CFAP210: variants seen among roughly 807,000 people sequenced by gnomAD.
CFAP210 encodes the protein cilia and flagella associated protein 210, also known as cilia- and flagella- associated protein 210.
At chr2:169,645,916 C>A in the CFAP210 span, 2 of 1,613,924 alleles carry the variant, frequency 1.2e-6, no homozygotes, top group Admixed American at 1.7e-5. Context: ...AAAAAGGGAG[C>A]TGGACTCCAG....
chr2:169,679,680 C>CAAA, the CFAP210 span, among the ~76,000 whole-genome samples: 7,979 of 57,010 alleles, frequency 0.14, 871 homozygotes, highest in Middle Eastern at 0.16. Flanking sequence ...GACTCCATCT[C>CAAA]AAAAAAAAAA....
the CFAP210 span, chr2:169,645,711 T>G: frequency 1.5e-6 from 1 of 668,174 alleles, no homozygotes. Context: ...AAAGAAATAC[T>G]GAGAACAATC....
chr2:169,662,501 G>T, the CFAP210 span: 5 of 1,363,104 alleles, frequency 3.7e-6, no homozygotes, highest in Non-Finnish European at 4.9e-6. Context: ...TTTAAGAAAT[G>T]AATTCAATTC....
chr2:169,687,108 C>A, the CFAP210 span, among the ~76,000 whole-genome samples: 2 of 152,236 alleles, frequency 1.3e-5, no homozygotes, highest in South Asian at 4.1e-4. Flanking sequence ...TAAAGACCAG[C>A]CCCCATGATT....
chr2:169,653,813 A>G, the CFAP210 span, among the ~76,000 whole-genome samples: 1 of 152,224 alleles, frequency 6.6e-6, no homozygotes, highest in East Asian at 1.9e-4. Flanking sequence ...GCTCATCTGT[A>G]TCGACAACTC....
At chr2:169,660,843 T>A in the CFAP210 span, 17 of 280,478 alleles carry the variant, frequency 6.1e-5, no homozygotes, top group East Asian at 1.7e-3. Context: ...CTCAAAGAGA[T>A]CTGCCTGCCT....
At chr2:169,675,822 G>T in the CFAP210 span, among the ~76,000 whole-genome samples, 2 of 151,750 alleles carry the variant, frequency 1.3e-5, no homozygotes, top group Non-Finnish European at 2.9e-5. Context: ...CACTCCTTTT[G>T]CTCCTTTAAA....
chr2:169,668,398 A>G, the CFAP210 span, among the ~76,000 whole-genome samples: 1 of 152,144 alleles, frequency 6.6e-6, no homozygotes, highest in African/African-American at 2.4e-5. Flanking sequence ...CTCTCTTATC[A>G]TTTGTTTGTT....
chr2:169,688,651 C>T, the CFAP210 span, among the ~76,000 whole-genome samples: 1 of 152,202 alleles, frequency 6.6e-6, no homozygotes, highest in Non-Finnish European at 1.5e-5. Context: ...ATCACCTTTA[C>T]TCCAGTTTCC....
the CFAP210 span, chr2:169,674,771 T>G: frequency 1.3e-6 from 2 of 1,550,634 alleles, no homozygotes; most frequent in East Asian, 2.3e-5. Context: ...AAGTCCCGAC[T>G]ACAAAAGAAA....
chr2:169,656,463 G>A, the CFAP210 span, among the ~76,000 whole-genome samples: 3 of 147,652 alleles, frequency 2.0e-5, no homozygotes, highest in Non-Finnish European at 4.4e-5. Context: ...AAGTAGAGAA[G>A]GAGGAGGAGG....
chr2:169,657,828 G>A, the CFAP210 span, among the ~76,000 whole-genome samples: 1 of 152,142 alleles, frequency 6.6e-6, no homozygotes, highest in Non-Finnish European at 1.5e-5. Flanking sequence ...CTGGATGCCA[G>A]AGGAATATGA....
the CFAP210 span, among the ~76,000 whole-genome samples, chr2:169,674,003 A>G: frequency 6.6e-6 from 1 of 152,096 alleles, no homozygotes; most frequent in Non-Finnish European, 1.5e-5. Context: ...GTCTCAATTT[A>G]ATGGAAGTCT....
the CFAP210 span, among the ~76,000 whole-genome samples, chr2:169,672,166 T>A: frequency 6.6e-6 from 1 of 152,246 alleles, no homozygotes; most frequent in African/African-American, 2.4e-5. Flanking sequence ...GGCGATAAGT[T>A]TGTAAACTCA....
At chr2:169,645,873 T>G in the CFAP210 span, 1 of 1,612,614 alleles carries the variant, frequency 6.2e-7, no homozygotes, top group African/African-American at 1.3e-5. Context: ...CTCTTTGACT[T>G]TTGAAAATTA....
chr2:169,660,588 TTATA>T, the CFAP210 span, among the ~76,000 whole-genome samples: 29 of 140,730 alleles, frequency 2.1e-4, no homozygotes, highest in South Asian at 4.5e-4. Flanking sequence ...GTTGCTTATT[TTATA>T]TATATATATA....
At chr2:169,654,180 A>C in the CFAP210 span, 1 of 1,593,518 alleles carries the variant, frequency 6.3e-7, no homozygotes, top group Non-Finnish European at 8.6e-7. Context: ...CTGCTGTTCT[A>C]CAGCTTTGAT....
the CFAP210 span, among the ~76,000 whole-genome samples, chr2:169,683,634 G>A: frequency 6.6e-6 from 1 of 152,226 alleles, no homozygotes; most frequent in Non-Finnish European, 1.5e-5. Context: ...GGCAGGAGCT[G>A]CTCTCCACAA....
the CFAP210 span, among the ~76,000 whole-genome samples, chr2:169,651,391 A>C: frequency 2.0e-5 from 3 of 151,832 alleles, no homozygotes; most frequent in Non-Finnish European, 2.9e-5. Flanking sequence ...ACTCTATTAA[A>C]AAAAAAGAAA....
Sources: gnomAD v4.1 joint callset for allele counts (sites outside exome capture counted in the v4.1 genomes callset) on GRCh38, gnomAD v4.1.1 for gene constraint, MANE v1.5 for transcripts, NCBI Gene and HGNC (gene_info 2026-07-23, HGNC 2026-07-21) for gene names.